The following GRIN2D variants were observed in gnomAD, a reference collection of about 807,000 sequenced individuals.
GRIN2D encodes the protein glutamate receptor ionotropic, NMDA 2D.
Under a neutral mutation model 103.2 loss-of-function variants are expected in GRIN2D, and 37 were observed. That is an observed-to-expected ratio of 0.36 (90% CI 0.28 to 0.47). The LOEUF (loss-of-function observed/expected upper bound fraction) is 0.47, where lower values mean the gene tolerates loss of function less well. Among genes scored for constraint, GRIN2D ranks in the 20% least tolerant of loss-of-function variants. The pLI is 1.00. For synonymous variants in GRIN2D, 845 were observed against 885.6 expected, an observed-to-expected ratio of 0.95 and a Z score of 0.81; for missense variants, 1,557 against 1,910.6, an observed-to-expected ratio of 0.81 and a Z score of 3.45.
intron 3 of GRIN2D, among the ~76,000 whole-genome samples, chr19:48,399,747 T>C (rs565375995): frequency 9.3e-4 from 118 of 127,118 alleles, no homozygotes; most frequent in African/African-American, 3.7e-3. Context: ...TAAGTGGAAG[T>C]CGGAAAAGAG....
chr19:48,429,258 C>T (rs1569069390), intron 11 of GRIN2D, among the ~76,000 whole-genome samples: 1 of 152,104 alleles, frequency 6.6e-6, no homozygotes, highest in Non-Finnish European at 1.5e-5. Flanking sequence ...CAAGGTCGCA[C>T]TCTGTCACCC....
intron 11 of GRIN2D, among the ~76,000 whole-genome samples, chr19:48,437,784 A>G (rs1017544719): frequency 6.6e-6 from 1 of 152,196 alleles, no homozygotes; most frequent in South Asian, 2.1e-4. Flanking sequence ...AACAAAGAGA[A>G]ACGTAGGGAA....
chr19:48,423,105 G>A (rs1371485077), intron 11 of GRIN2D, among the ~76,000 whole-genome samples: 4 of 152,108 alleles, frequency 2.6e-5, no homozygotes, highest in African/African-American at 9.7e-5. Context: ...CAGCTGCTTG[G>A]GAGGCTGAGG....
At chr19:48,416,690 C>T (rs1175519723) in intron 8 of GRIN2D, among the ~76,000 whole-genome samples, 1 of 151,930 alleles carries the variant, frequency 6.6e-6, no homozygotes, top group African/African-American at 2.4e-5. Context: ...CCAGTAGGAT[C>T]TCTCAGCCTT....
At chr19:48,403,198 CAAAAAAAAA>C (rs145115482) in intron 3 of GRIN2D, among the ~76,000 whole-genome samples, 1 of 91,318 alleles carries the variant, frequency 1.1e-5, no homozygotes. Context: ...GACTCTGTCT[CAAAAAAAAA>C]AAAAAAAAAA....
At position 48,444,111 on chromosome 19, in the gene GRIN2D, G is replaced by T; in HGVS notation, c.*174G>T. The T allele has an allele frequency of 2.2e-6, 1 of 444,930 alleles. No individual in the cohort carries two copies. The highest frequency in any genetic ancestry group is 3.9e-6 in the Non-Finnish European group (1 of 255,914). 27.6% of individuals were successfully genotyped at this position (444,930 alleles called of 1,614,324 possible). ...TCTGGAGGAACCGCAAGCCGGAGAG[G>T]ATTTGGTCCCTCAACTATCACCCAG... On this transcript the variant is annotated 3_prime_UTR_variant, in exon 14 of 14. Transcript: ENST00000263269. This position sits in a 1 kb window ranked among gnomAD's most constrained non-coding sequence, Gnocchi z 5.5.
intron 2 of GRIN2D, among the ~76,000 whole-genome samples, chr19:48,395,669 C>T (rs1450892959): frequency 6.6e-6 from 1 of 152,062 alleles, no homozygotes; most frequent in East Asian, 1.9e-4. Flanking sequence ...TCCTCCTCCT[C>T]CCCGCTTGGG....
Position 48,442,630 on chromosome 19 carries a change from GC to G in GRIN2D, c.2708del (p.Pro903HisfsTer71). Reference sequence around the variant, plus strand: ...GTACAGCTGCTGCAGCGCTGAGGCCGCCCCACCGCCCGCCAAGCCCCCGCCG... The same window carrying G: ...GTACAGCTGCTGCAGCGCTGAGGCCGCCCACCGCCCGCCAAGCCCCCGCCG... ...GMYSCCSAEA[A>X]PPPAKPPPPP... On this transcript the variant is annotated frameshift_variant, in exon 14 of 14. Transcript: ENST00000263269. LOFTEE classifies it high-confidence loss of function. The surrounding 1 kb of genome is among the most constrained non-coding windows in gnomAD (Gnocchi z 7.2). The G allele has an allele frequency of 6.7e-7, 1 of 1,493,148 alleles. No homozygotes were observed. Among genetic ancestry groups the G allele is most frequent in the South Asian group, 1.3e-5 (1 of 79,926 alleles). The allele number at this position is 1,493,148 out of a possible 1,614,324, so 92.5% of individuals were successfully genotyped here. A position where few individuals can be genotyped will look rare whatever the true frequency, so the allele number is the denominator to read the frequency against.
chr19:48,418,097 G>A (rs112119548), intron 8 of GRIN2D, among the ~76,000 whole-genome samples: 5 of 146,806 alleles, frequency 3.4e-5, no homozygotes, highest in African/African-American at 1.0e-4. Context: ...GCAGTGGCAC[G>A]ATCTCAGCTC....
At chr19:48,415,182 G>A in intron 7 of GRIN2D, 150 bp downstream of exon 7, 2 of 691,584 alleles carry the variant, frequency 2.9e-6, no homozygotes, top group Non-Finnish European at 4.6e-6. Flanking sequence ...ACCAGTTTGG[G>A]CAAAACGGTG....
chr19:48,397,807 T>G (rs1277973873), intron 2 of GRIN2D, among the ~76,000 whole-genome samples: 1 of 151,866 alleles, frequency 6.6e-6, no homozygotes, highest in Non-Finnish European at 1.5e-5. Context: ...TGATCCCATC[T>G]CTGTGGGTGT....
intron 8 of GRIN2D, among the ~76,000 whole-genome samples, chr19:48,417,134 G>T (rs138309963): frequency 6.6e-6 from 1 of 152,232 alleles, no homozygotes; most frequent in African/African-American, 2.4e-5. Context: ...CAGCTACTCC[G>T]GAGGCTGAGG....
chr19:48,433,723 T>G (rs1264397494), intron 11 of GRIN2D, among the ~76,000 whole-genome samples: 1 of 152,228 alleles, frequency 6.6e-6, no homozygotes, highest in Non-Finnish European at 1.5e-5. Context: ...CTTTCCGTAA[T>G]GTAAGCATTA....
Position 48,398,633 on chromosome 19 carries a change from G to A in GRIN2D, c.241G>A (p.Gly81Ser). The change falls in exon 3 of 14, where the codon GGC (glycine) becomes AGC (serine). Residue 81 changes from glycine to serine, a missense_variant. Gly to Ser is a moderately conservative substitution (Grantham distance 56, BLOSUM62 0). Around this residue, in one of 7 missense-constraint regions of GRIN2D, gnomAD observed 490 missense variants for 601.1 expected, o/e 0.82. Transcript: ENST00000263269. The stretch of plus-strand genomic sequence containing the variant: ...CGTGGCGGCGGCGGTGCGCAGCCCG[G>A]GCCTAGACGTGCGGCCCGTGGCGCT... The part of the protein sequence containing the change: ...PAVAAAVRSP[G>S]LDVRPVALVL... The A allele has an allele frequency of 2.1e-6, 3 of 1,407,526 alleles. No homozygotes were observed. The highest frequency in any genetic ancestry group is 2.8e-6 in the Non-Finnish European group (3 of 1,079,110). The allele number at this position is 1,407,526 out of a possible 1,614,324, so 87.2% of individuals were successfully genotyped here.
Position 48,443,898 on chromosome 19 carries a change from G to A in GRIN2D, c.3972G>A (p.Arg1324=). Residue 1324 remains arginine (R), a synonymous_variant, in exon 14 of 14, where the codon AGG becomes AGA. Transcript: ENST00000263269. The surrounding 1 kb of genome is among the most constrained non-coding windows in gnomAD (Gnocchi z 8.9). ...RHRGGDLGTR[R]GSAHFSSLES... is the part of the protein sequence containing the mutation. ...GGGGCGGGGACCTGGGCACCCGCAG[G>A]GGCTCGGCGCACTTCTCTAGCCTCG... The A allele has an allele frequency of 6.8e-7, 1 of 1,462,080 alleles. No individual in the cohort carries two copies. The highest frequency in any genetic ancestry group is 9.0e-7 in the Non-Finnish European group (1 of 1,112,470). 90.6% of individuals were successfully genotyped at this position (1,462,080 alleles called of 1,614,324 possible).
chr19:48,420,377 G>A (rs906033714), intron 10 of GRIN2D, among the ~76,000 whole-genome samples: 14 of 150,878 alleles, frequency 9.3e-5, no homozygotes, highest in African/African-American at 2.7e-4. Context: ...GCAGTGAGCC[G>A]AGATCGCCCC....
rs1970667797 is a variant in GRIN2D at position 48,398,352 on chromosome 19, G to A, written c.-26-15G>A. ...CCTCCCTCTCCTCCCCGTCTCTCCC[G>A]GCCCGGGCGCTCAGAGGCCGCCCGG... On this transcript the variant is annotated splice_polypyrimidine_tract_variant and intron_variant, in intron 2 of 13. Coordinates refer to ENST00000263269, the MANE Select transcript of GRIN2D (RefSeq NM_000836.4). 6 of 1,074,780 alleles carry A rather than the reference G, an allele frequency of 5.6e-6. No homozygotes were observed. Among genetic ancestry groups the A allele is most frequent in the African/African-American group, 1.7e-5 (1 of 59,232 alleles). 66.6% of individuals were successfully genotyped at this position (1,074,780 alleles called of 1,614,324 possible). A position where few individuals can be genotyped will look rare whatever the true frequency, so the allele number is the denominator to read the frequency against.
intron 11 of GRIN2D, among the ~76,000 whole-genome samples, chr19:48,426,738 C>T (rs912463639): frequency 6.6e-6 from 1 of 151,908 alleles, no homozygotes. Context: ...GCACACACCA[C>T]CATGCCCGGC....
chr19:48,410,127 T>G (rs1212553395), intron 4 of GRIN2D, among the ~76,000 whole-genome samples: 1 of 150,902 alleles, frequency 6.6e-6, no homozygotes, highest in Non-Finnish European at 1.5e-5. Flanking sequence ...CCGGAAATAG[T>G]ATTCCAGTCA....
Sources: gnomAD v4.1 joint callset for allele counts (sites outside exome capture counted in the v4.1 genomes callset) on GRCh38, gnomAD v4.1.1 for gene constraint, gnomAD v4.1.1 regional missense constraint, Gnocchi (gnomAD v3.1) non-coding constraint, MANE v1.5 for transcripts, NCBI Gene and HGNC (gene_info 2026-07-23, HGNC 2026-07-21) for gene names.